TTC7A: variants seen among roughly 807,000 people sequenced by gnomAD.
TTC7A encodes tetratricopeptide repeat protein 7A.
In TTC7A, 110 loss-of-function variants were observed where a neutral mutation model predicts 103.7. The ratio of observed to expected loss-of-function variants is 1.06; its 90% CI spans 0.91 to 1.24. The LOEUF is 1.24. Among genes scored for constraint, TTC7A ranks in the 50% most tolerant of loss-of-function variants. The pLI, the probability that TTC7A is intolerant of heterozygous loss-of-function variation, is 0.00. For synonymous variants in TTC7A, 521 were observed against 467.9 expected, an observed-to-expected ratio of 1.11 and a Z score of -1.47; for missense variants, 1,340 against 1,116.3, an observed-to-expected ratio of 1.20 and a Z score of -2.86.
chr2:46,962,646 T>C (rs1472342596), intron 3 of TTC7A, among the ~76,000 whole-genome samples: 1 of 152,198 alleles, frequency 6.6e-6, no homozygotes. Flanking sequence ...CCATGGCTCA[T>C]TGGGGCAGTA....
chr2:46,956,679 G>T, intron 2 of TTC7A, 160 bp from the exon 3 acceptor site: 1 of 700,522 alleles, frequency 1.4e-6, no homozygotes, highest in Non-Finnish European at 2.5e-6. Flanking sequence ...GGGTGAGAGC[G>T]GGGAGCTGTC....
intron 13 of TTC7A, 49 bp downstream of exon 13, chr2:47,023,514 A>G (rs746501521): frequency 6.3e-7 from 1 of 1,588,718 alleles, no homozygotes; most frequent in South Asian, 1.1e-5. Context: ...CTTTGGTGGC[A>G]GATTCACAAG....
At chr2:47,021,336 T>C (rs2104544534) in intron 11 of TTC7A, among the ~76,000 whole-genome samples, 1 of 152,326 alleles carries the variant, frequency 6.6e-6, no homozygotes, top group East Asian at 1.9e-4. Flanking sequence ...CATGTGGTGA[T>C]GTGTGCACAT....
chr2:47,027,409 G>C (rs993831085), intron 14 of TTC7A, among the ~76,000 whole-genome samples: 8 of 152,262 alleles, frequency 5.3e-5, no homozygotes, highest in African/African-American at 1.9e-4. Flanking sequence ...CCTGGAGTCA[G>C]GACCCCCACC....
At chr2:47,054,530 C>A (rs1274786601) in intron 18 of TTC7A, among the ~76,000 whole-genome samples, 1 of 152,054 alleles carries the variant, frequency 6.6e-6, no homozygotes, top group Non-Finnish European at 1.5e-5. Flanking sequence ...TCTGGGTGTC[C>A]CATTAAAAGT....
chr2:47,058,904 G>A (rs551717667), intron 18 of TTC7A, among the ~76,000 whole-genome samples: 3 of 151,950 alleles, frequency 2.0e-5, no homozygotes, highest in Admixed American at 6.5e-5. Flanking sequence ...CCAAAGGGGT[G>A]TGTGTCTGCT....
chr2:46,965,662 A>G (rs2104118235), intron 3 of TTC7A, among the ~76,000 whole-genome samples: 1 of 151,582 alleles, frequency 6.6e-6, no homozygotes, highest in African/African-American at 2.4e-5. Flanking sequence ...CCTGGCTTCA[A>G]ATGATTCTCC....
In TTC7A at chr2:47,020,408, G is replaced by A. The variant is rs552188785; in HGVS notation, c.1393-1454G>A. ...CCACCTGGCCGGCTGAGGCTGAGCTGTAGACAGCTGTGGGGTTTCCCCGAC... is the reference window on the plus strand; with the variant it reads ...CCACCTGGCCGGCTGAGGCTGAGCTATAGACAGCTGTGGGGTTTCCCCGAC... On this transcript the variant is annotated intron_variant, in intron 11 of 19. Transcript: ENST00000319190. Among the ~76,000 whole-genome samples the A allele has an allele frequency of 7.3e-4, 111 of 152,356 alleles. 1 individual carries two copies. The South Asian group carries it at 0.02, about 28-fold the overall frequency.
At chr2:47,032,155 G>T (rs1404054469) in intron 15 of TTC7A, among the ~76,000 whole-genome samples, 1 of 152,240 alleles carries the variant, frequency 6.6e-6, no homozygotes, top group African/African-American at 2.4e-5. Flanking sequence ...CCTTGAGGTT[G>T]GTGACTGCCC....
intron 4 of TTC7A, 119 bp downstream of exon 4, chr2:46,975,222 C>T (rs1190561153): frequency 1.5e-6 from 2 of 1,310,398 alleles, no homozygotes; most frequent in African/African-American, 2.9e-5. Flanking sequence ...TTCTCTGTCC[C>T]CCAAAGACAC....
At chr2:47,058,554 G>A (rs1683508516) in intron 18 of TTC7A, among the ~76,000 whole-genome samples, 1 of 152,220 alleles carries the variant, frequency 6.6e-6, no homozygotes, top group South Asian at 2.1e-4. Context: ...ATCTGAACTA[G>A]GGTAACCTCA....
At chr2:47,034,542 G>A (rs1049342735) in intron 15 of TTC7A, among the ~76,000 whole-genome samples, 11 of 152,156 alleles carry the variant, frequency 7.2e-5, no homozygotes, top group African/African-American at 1.2e-4. Context: ...TAGTCAGGCC[G>A]CTTGTAGTGA....
intron 15 of TTC7A, among the ~76,000 whole-genome samples, chr2:47,040,964 G>T (rs1263287441): frequency 6.6e-6 from 1 of 152,210 alleles, no homozygotes; most frequent in Non-Finnish European, 1.5e-5. Flanking sequence ...GCTCTTGTCG[G>T]AGGGCATAAA....
intron 8 of TTC7A, chr2:46,999,724 TA>T: frequency 1.0e-6 from 1 of 985,468 alleles, no homozygotes; most frequent in Non-Finnish European, 1.2e-6. Flanking sequence ...GCTGGGGAAC[TA>T]GGAGATACAG....
chr2:46,935,095 A>C (rs1243854150), intron 2 of TTC7A, among the ~76,000 whole-genome samples: 4 of 152,036 alleles, frequency 2.6e-5, no homozygotes, highest in Non-Finnish European at 5.9e-5. Flanking sequence ...CACCACGCCG[A>C]GCCCTAAGAC....
chr2:46,999,694 C>T (rs1251330765), intron 8 of TTC7A: 1 of 985,306 alleles, frequency 1.0e-6, no homozygotes, highest in Non-Finnish European at 1.2e-6. Flanking sequence ...TGTATCAAAC[C>T]AGCCTGATTT....
chr2:47,031,228 G>A (rs1680510449), intron 15 of TTC7A, among the ~76,000 whole-genome samples: 1 of 152,222 alleles, frequency 6.6e-6, no homozygotes, highest in African/African-American at 2.4e-5. Context: ...CTAACACAGA[G>A]AAAACAGTGT....
intron 16 of TTC7A, among the ~76,000 whole-genome samples, chr2:47,048,374 G>C (rs890906049): frequency 2.0e-5 from 3 of 152,208 alleles, no homozygotes; most frequent in African/African-American, 7.2e-5. Context: ...GGGAGAAAGA[G>C]TAGGATGGGA....
At chr2:46,982,247 A>G (rs993849) in intron 5 of TTC7A, among the ~76,000 whole-genome samples, 26,377 of 152,014 alleles carry the variant, frequency 0.17, 2,446 homozygotes, top group Admixed American at 0.2. Flanking sequence ...AGTGGCATGC[A>G]CCTGTAGTCT....
Sources: gnomAD v4.1 joint callset for allele counts (sites outside exome capture counted in the v4.1 genomes callset) on GRCh38, gnomAD v4.1.1 for gene constraint, MANE v1.5 for transcripts, NCBI Gene and HGNC (gene_info 2026-07-23, HGNC 2026-07-21) for gene names.